The following SUMF1 variants were observed in gnomAD, a reference collection of about 807,000 sequenced individuals.
The protein encoded by SUMF1 is formylglycine-generating enzyme.
A neutral mutation model predicts 47.6 loss-of-function variants in SUMF1; 48 were observed. That is an observed-to-expected ratio of 1.01 (90% CI 0.80 to 1.28). SUMF1 has a LOEUF of 1.28. Ranked by LOEUF, SUMF1 falls within the 50% of genes most tolerant of loss-of-function variation. The pLI, the probability that SUMF1 is intolerant of heterozygous loss-of-function variation, is 0.00. For missense variants in SUMF1, 571 were observed against 485.4 expected, an observed-to-expected ratio of 1.18 and a Z score of -1.66; for synonymous variants, 230 against 192.1, an observed-to-expected ratio of 1.20 and a Z score of -1.63.
chr3:4,127,572 A>G (rs1204724518), intron 8 of SUMF1, among the ~76,000 whole-genome samples: 1 of 152,130 alleles, frequency 6.6e-6, no homozygotes, highest in Non-Finnish European at 1.5e-5. Context: ...TCGGACTCCA[A>G]GTTCTTCAGT....
At position 4,172,410 on chromosome 3, in the gene SUMF1, AG is replaced by A. The variant is rs151031558; in HGVS notation, c.1015-103666del. Among the ~76,000 whole-genome samples the A allele has an allele frequency of 5.5e-3, 838 of 152,298 alleles. 7 individuals carry two copies. Among genetic ancestry groups the A allele is most frequent in the African/African-American group, 0.019 (790 of 41,550 alleles). On this transcript the variant is annotated intron_variant and NMD_transcript_variant, in intron 8 of 12. Transcript: ENST00000448413. ...GCTTTCCAGGTATTCACTAAAAACT[AG>A]GACCTAAAATCCACCTGATAATAGC...
In SUMF1 at chr3:4,102,749, C is replaced by T. The variant is rs907684089; in HGVS notation, c.1015-34004G>A. On this transcript the variant is annotated intron_variant and NMD_transcript_variant, in intron 8 of 12. Coordinates refer to the SUMF1 transcript ENST00000448413. The stretch of plus-strand genomic sequence containing the variant: ...AGGGCAGAGTCTTGCACCAGAAGCA[C>T]AGGATTTGATAGGTGCTTGATAAAT... Among the ~76,000 whole-genome samples, 3 of 151,698 alleles carry T rather than the reference C, an allele frequency of 2.0e-5. No homozygotes were observed. The South Asian group carries it at 6.2e-4, about 32-fold the overall frequency.
chr3:4,145,376 A>G (rs146600500), intron 8 of SUMF1, among the ~76,000 whole-genome samples: 1 of 152,130 alleles, frequency 6.6e-6, no homozygotes, highest in African/African-American at 2.4e-5. Context: ...CAGCTCTTGA[A>G]CTATGAACTC....
chr3:4,174,356 C>A (rs1191167149), intron 8 of SUMF1, among the ~76,000 whole-genome samples: 56 of 112,454 alleles, frequency 5.0e-4, no homozygotes, highest in African/African-American at 7.6e-4. Context: ...ACTCCGTCTC[C>A]AAAAAAAAAA....
chr3:4,163,113 A>G (rs1694616131), intron 8 of SUMF1, among the ~76,000 whole-genome samples: 1 of 133,710 alleles, frequency 7.5e-6, no homozygotes, highest in Non-Finnish European at 1.6e-5. Context: ...TGAACTAAGC[A>G]GCAGCCTGAA....
rs113056454 is a variant in SUMF1 at position 4,361,748 on chromosome 3, G to C, written c.*396C>G. Reference sequence around the variant, plus strand: ...CTGGTGAGTTGGAGAGACACCCAGAGGTCATGCTGTCCATCCCTTCATTTG... The same window carrying C: ...CTGGTGAGTTGGAGAGACACCCAGACGTCATGCTGTCCATCCCTTCATTTG... On this transcript the variant is annotated 3_prime_UTR_variant, in exon 9 of 9. Transcript: ENST00000272902. 1,142 of 252,514 alleles carry C rather than the reference G, an allele frequency of 4.5e-3. 3 individuals carry two copies. Among genetic ancestry groups the C allele is most frequent in the Non-Finnish European group, 6.6e-3 (848 of 127,726 alleles). The allele number at this position is 252,514 out of a possible 1,614,324, so 15.6% of individuals were successfully genotyped here. A position where few individuals can be genotyped will look rare whatever the true frequency, so the allele number is the denominator to read the frequency against.
At chr3:4,116,529 G>C (rs762087203) in intron 8 of SUMF1, among the ~76,000 whole-genome samples, 2 of 151,998 alleles carry the variant, frequency 1.3e-5, no homozygotes, top group East Asian at 3.8e-4. Context: ...TGAACTCAGC[G>C]CCTCTTTAAA....
At chr3:4,330,117 C>A (rs1463744977) in intron 8 of SUMF1, among the ~76,000 whole-genome samples, 1 of 152,180 alleles carries the variant, frequency 6.6e-6, no homozygotes, top group Non-Finnish European at 1.5e-5. Flanking sequence ...TTGTTCATAT[C>A]ACTATCAGCA....
chr3:4,440,263 A>AAAAAAAC (rs745740071), intron 3 of SUMF1, among the ~76,000 whole-genome samples: 4 of 132,150 alleles, frequency 3.0e-5, no homozygotes, highest in Admixed American at 1.6e-4. Context: ...AAAAAAAAAA[A>AAAAAAAC]AGATACTGAG....
chr3:4,391,430 G>A (rs1377891827), intron 7 of SUMF1, among the ~76,000 whole-genome samples: 1 of 152,118 alleles, frequency 6.6e-6, no homozygotes, highest in East Asian at 1.9e-4. Context: ...AACACATGAT[G>A]TTGTTGCACA....
At chr3:4,252,139 T>C (rs1245360929) in intron 8 of SUMF1, among the ~76,000 whole-genome samples, 1 of 152,196 alleles carries the variant, frequency 6.6e-6, no homozygotes, top group African/African-American at 2.4e-5. Context: ...TGAGTAACAC[T>C]GCACAAATCA....
chr3:4,442,244 T>C (rs533770293), intron 3 of SUMF1, among the ~76,000 whole-genome samples: 2 of 148,936 alleles, frequency 1.3e-5, no homozygotes, highest in South Asian at 4.2e-4. Context: ...CAAACAGTTG[T>C]GCACCATGAA....
chr3:4,124,316 A>G (rs1693608281), intron 8 of SUMF1, among the ~76,000 whole-genome samples: 1 of 152,134 alleles, frequency 6.6e-6, no homozygotes, highest in Non-Finnish European at 1.5e-5. Flanking sequence ...GAATTTTTCT[A>G]TATCTTGGAA....
chr3:4,311,516 G>A, intron 8 of SUMF1, among the ~76,000 whole-genome samples: 1 of 152,154 alleles, frequency 6.6e-6, no homozygotes, highest in Non-Finnish European at 1.5e-5. Flanking sequence ...GGAAAAGAAT[G>A]GTTTAGAAGA....
chr3:4,367,059 T>A (rs1469900287), intron 8 of SUMF1, among the ~76,000 whole-genome samples: 1 of 152,092 alleles, frequency 6.6e-6, no homozygotes, highest in South Asian at 2.1e-4. Flanking sequence ...AATGCTGCTG[T>A]CTGATTGTTC....
At position 4,316,916 on chromosome 3, in the gene SUMF1, G is replaced by A. The variant is rs1044094439; in HGVS notation, c.1014+59414C>T. 8 of 1,549,276 alleles carry A rather than the reference G, an allele frequency of 5.2e-6. No homozygotes were observed. The African/African-American group carries it at 1.1e-4, about 21-fold the overall frequency. On this transcript the variant is annotated intron_variant and NMD_transcript_variant, in intron 8 of 12. Coordinates refer to the SUMF1 transcript ENST00000448413. Reference sequence around the variant, plus strand: ...ACCAAAAACTGCAACGCCTGCAGCTGGCATTGGTCAACAGAAAGGGCCCAA... The same window carrying A: ...ACCAAAAACTGCAACGCCTGCAGCTAGCATTGGTCAACAGAAAGGGCCCAA...
chr3:4,236,908 C>T (rs371269027), intron 8 of SUMF1, among the ~76,000 whole-genome samples: 4 of 152,164 alleles, frequency 2.6e-5, no homozygotes, highest in South Asian at 4.1e-4. Context: ...TCCCTGTTAC[C>T]CCACTGACCC....
chr3:4,313,155 G>C, intron 8 of SUMF1: 1 of 1,614,098 alleles, frequency 6.2e-7, no homozygotes, highest in African/African-American at 1.3e-5. Flanking sequence ...AAGGTCTACA[G>C]TTCCACTTCC....
At chr3:4,141,212 G>C (rs17040037) in intron 8 of SUMF1, among the ~76,000 whole-genome samples, 1 of 152,138 alleles carries the variant, frequency 6.6e-6, no homozygotes, top group African/African-American at 2.4e-5. Flanking sequence ...GCAGCAGTGA[G>C]AGTACTGTGT....
Sources: gnomAD v4.1 joint callset for allele counts (sites outside exome capture counted in the v4.1 genomes callset) on GRCh38, gnomAD v4.1.1 for gene constraint, MANE v1.5 for transcripts, NCBI Gene and HGNC (gene_info 2026-07-23, HGNC 2026-07-21) for gene names.